UBR2: variants seen among roughly 807,000 people sequenced by gnomAD.
The protein encoded by UBR2 is ubiquitin protein ligase E3 component n-recognin 2, also known as E3 ubiquitin-protein ligase UBR2.
Under a neutral mutation model 247.9 loss-of-function variants are expected in UBR2, and 92 were observed. The observed-to-expected ratio is 0.37, with a 90% CI of 0.31 to 0.44. UBR2 has a LOEUF of 0.44. Among genes scored for constraint, UBR2 ranks in the 20% least tolerant of loss-of-function variants. The pLI is 1.00. For missense variants in UBR2, 1,613 were observed against 2,112.6 expected (o/e 0.76, Z 4.64); for synonymous variants, 672 against 693.5 (o/e 0.97, Z 0.49).
At chr6:42,622,404 G>GTTTTTTTTTTTTTTTTT (rs1390055587) in intron 11 of UBR2, among the ~76,000 whole-genome samples, 2 of 142,426 alleles carry the variant, frequency 1.4e-5, no homozygotes, top group African/African-American at 5.4e-5. Context: ...TTTTTTGGTG[G>GTTTTTTTTTTTTTTTTT]GTTTTTTTTT....
chr6:42,659,446 A>T lies in UBR2; in HGVS notation c.3243-210A>T, dbSNP rs568218241. ...AACCTGCGAGGCGGAGGTTGCAGTG[A>T]GCCAAGATTGTGCCACTCACCCCAG... On this transcript the variant is annotated intron_variant, in intron 29 of 46. Transcript: ENST00000372901. This position sits in a 1 kb window ranked among gnomAD's most constrained non-coding sequence, Gnocchi z 4.3. Among the ~76,000 whole-genome samples, 48 of 151,954 alleles carry T rather than the reference A, an allele frequency of 3.2e-4. No homozygotes were observed. Among genetic ancestry groups the T allele is most frequent in the Admixed American group, 1.5e-3 (23 of 15,228 alleles).
intron 1 of UBR2, among the ~76,000 whole-genome samples, chr6:42,565,734 A>G (rs1013145273): frequency 2.0e-5 from 3 of 151,522 alleles, no homozygotes; most frequent in Non-Finnish European, 4.4e-5. Context: ...CTAATTTTGT[A>G]TTTTTAGTAG....
chr6:42,642,662 C>T (rs1412831126), intron 18 of UBR2, among the ~76,000 whole-genome samples, 181 bp downstream of exon 18: 1 of 152,168 alleles, frequency 6.6e-6, no homozygotes, highest in East Asian at 1.9e-4. Flanking sequence ...ATTTCCTAGA[C>T]ACACTTCATA....
rs143786202 is a variant in UBR2 at position 42,691,659 on chromosome 6, T to C, written c.*486T>C. On this transcript the variant is annotated 3_prime_UTR_variant, in exon 47 of 47. Transcript: ENST00000372901. ...ACTCCTAGGAGCAAAGTGGTTGATTTTGAAGGCAGTGTTCCCTTCTCTCCA... is the reference window on the plus strand; with the variant it reads ...ACTCCTAGGAGCAAAGTGGTTGATTCTGAAGGCAGTGTTCCCTTCTCTCCA... 1,576 of 169,604 alleles carry C rather than the reference T, an allele frequency of 9.3e-3. 18 individuals are homozygous for C. The highest frequency in any genetic ancestry group is 0.015 in the Non-Finnish European group (1,180 of 80,242). The allele number at this position is 169,604 out of a possible 1,614,324, so 10.5% of individuals were successfully genotyped here.
chr6:42,625,869 A>T (rs11758160), intron 11 of UBR2, among the ~76,000 whole-genome samples: 65,499 of 148,346 alleles, frequency 0.44, 14,335 homozygotes, highest in African/African-American at 0.48. Context: ...GTTGGAGTGC[A>T]GTGGTGCGAT....
Position 42,662,228 on chromosome 6 carries a change from A to G in UBR2, c.3487A>G (p.Thr1163Ala). ...LFMHPDLSCG[T>A]HTSSCGHIMH... ...CATGCACCCTGATCTGTCTTGTGGA[A>G]CACACACTAGTAGCTGTGGGCACAT... The change falls in exon 31 of 47, where the codon ACA becomes GCA. Residue 1163 changes from threonine (T) to alanine (A), a missense_variant. Physicochemically the swap from Thr to Ala is moderately conservative, Grantham distance 58 (BLOSUM62 0). Transcript: ENST00000372901. 1.2e-6 allele frequency: 2 copies of G among 1,612,192 alleles called. No individual in the cohort carries two copies. The highest frequency in any genetic ancestry group is 1.7e-6 in the Non-Finnish European group (2 of 1,179,178).
chr6:42,593,480 A>G (rs903649416), intron 3 of UBR2, among the ~76,000 whole-genome samples: 1 of 152,206 alleles, frequency 6.6e-6, no homozygotes. Context: ...AATTTGCTGT[A>G]TCTAATACCT....
chr6:42,633,808 G>A (rs1387707501), intron 13 of UBR2, among the ~76,000 whole-genome samples: 1 of 152,142 alleles, frequency 6.6e-6, no homozygotes, highest in African/African-American at 2.4e-5. Flanking sequence ...CTGGCTCACT[G>A]CAACCTCCGC....
chr6:42,597,238 T>G (rs1793033621), intron 4 of UBR2, among the ~76,000 whole-genome samples: 1 of 152,116 alleles, frequency 6.6e-6, no homozygotes, highest in African/African-American at 2.4e-5. Context: ...GCCTGGAGAA[T>G]GTATACTCCT....
At chr6:42,620,826 A>T (rs950084679) in intron 11 of UBR2, among the ~76,000 whole-genome samples, 1 of 151,250 alleles carries the variant, frequency 6.6e-6, no homozygotes, top group Non-Finnish European at 1.5e-5. Context: ...TGTTTTTTAG[A>T]CGGAGTCTCG....
At chr6:42,632,958 C>CTTTTTTTTTTTTTTTTTTTTTTTTTCT (rs34284200) in intron 13 of UBR2, 54 bp downstream of exon 13, 2 of 610,588 alleles carry the variant, frequency 3.3e-6, no homozygotes, top group Non-Finnish European at 4.5e-6. Context: ...TCTCTTTTCT[C>CTTTTTTTTTTTTTTTTTTTTTTTTTCT]TTTTTTTTTT....
At chr6:42,646,560 C>T (rs1156499375) in intron 21 of UBR2, among the ~76,000 whole-genome samples, 1 of 151,866 alleles carries the variant, frequency 6.6e-6, no homozygotes, top group Non-Finnish European at 1.5e-5. Flanking sequence ...GACAATTTTG[C>T]CCCCCAGGGG....
rs1799631241 is a variant in UBR2 at position 42,689,498 on chromosome 6, CTA to C, written c.5025-69_5025-68del. 2.2e-6 allele frequency: 3 copies of C among 1,394,432 alleles called. No individual in the cohort carries two copies. The highest frequency in any genetic ancestry group is 3.6e-4 in the Middle Eastern group (2 of 5,632). 86.4% of individuals were successfully genotyped at this position (1,394,432 alleles called of 1,614,324 possible). A position where few individuals can be genotyped will look rare whatever the true frequency, so the allele number is the denominator to read the frequency against. ...AATATCAGTACTATAAGACTTCATT[CTA>C]TTTGGAACTGAATACAAATGTTGGT... On this transcript the variant is annotated intron_variant, in intron 45 of 46. Coordinates refer to ENST00000372901, the MANE Select transcript of UBR2 (RefSeq NM_001363705.2). The surrounding 1 kb of genome is among the most constrained non-coding windows in gnomAD (Gnocchi z 4.0).
intron 24 of UBR2, 38 bp downstream of exon 24, chr6:42,652,109 T>C (rs775813598): frequency 2.6e-6 from 4 of 1,544,582 alleles, no homozygotes; most frequent in Non-Finnish European, 3.5e-6. Context: ...TGCCCATCTT[T>C]TTTGCTTGTT....
chr6:42,664,828 C>T (rs908907435), intron 32 of UBR2, among the ~76,000 whole-genome samples: 2 of 152,024 alleles, frequency 1.3e-5, no homozygotes, highest in Admixed American at 6.6e-5. Context: ...TAGTCATATT[C>T]GAATACAATC....
In UBR2 at chr6:42,677,186, T is replaced by C. The variant is rs189510961; in HGVS notation, c.4478+313T>C. On this transcript the variant is annotated intron_variant, in intron 40 of 46. Transcript: ENST00000372901. ...TGGAAAGTTGATACTCTAAAACTTA[T>C]GTTGTCTCATTCAGAATGGGAATTT... Among the ~76,000 whole-genome samples, 436 of 152,344 alleles carry C rather than the reference T, an allele frequency of 2.9e-3. 1 individual carries two copies. Among genetic ancestry groups the C allele is most frequent in the Non-Finnish European group, 2.9e-3 (198 of 68,040 alleles).
chr6:42,658,627 G>A lies in UBR2; in HGVS notation c.3064-19G>A. Reference sequence around the variant, plus strand: ...CGTTTTAGCATCTAATTGTCTAATTGAATGGAGCATAATTTCAGAGTTCAA... The same window carrying A: ...CGTTTTAGCATCTAATTGTCTAATTAAATGGAGCATAATTTCAGAGTTCAA... On this transcript the variant is annotated intron_variant, in intron 28 of 46. Coordinates refer to ENST00000372901, the MANE Select transcript of UBR2 (RefSeq NM_001363705.2). 6.3e-7 allele frequency: 1 copy of A among 1,580,918 alleles called. No individual in the cohort carries two copies. The highest frequency in any genetic ancestry group is 8.6e-7 in the Non-Finnish European group (1 of 1,168,624).
chr6:42,597,572 T>G (rs962425470), intron 4 of UBR2, among the ~76,000 whole-genome samples: 2 of 149,110 alleles, frequency 1.3e-5, no homozygotes, highest in African/African-American at 5.0e-5. Context: ...CCTCCAGCCT[T>G]GGGCGACAGA....
At chr6:42,625,819 T>C (rs184092098) in intron 11 of UBR2, among the ~76,000 whole-genome samples, 1,520 of 120,644 alleles carry the variant, frequency 0.013, 13 homozygotes, top group African/African-American at 0.033. Context: ...TTTTCCCCCC[T>C]TTTTTTTTTT....
Sources: allele counts gnomAD v4.1 joint callset (sites outside exome capture counted in the v4.1 genomes callset), GRCh38; gene constraint gnomAD v4.1.1; non-coding constraint Gnocchi (gnomAD v3.1); transcripts MANE v1.5; gene names NCBI Gene and HGNC (gene_info 2026-07-23, HGNC 2026-07-21).